The following CCNI variants were observed in gnomAD, a reference collection of about 807,000 sequenced individuals.
The protein encoded by CCNI is cyclin I.
Under a neutral mutation model 34.1 loss-of-function variants are expected in CCNI, and 14 were observed. The observed-to-expected ratio is 0.41, with a 90% CI of 0.27 to 0.64. The LOEUF is 0.64. CCNI is among the 30% of genes least tolerant of loss of function. CCNI has a pLI of 0.31. For missense variants in CCNI, 385 were observed against 440.5 expected (o/e 0.87, Z 1.13); for synonymous variants, 154 against 158.4 (o/e 0.97, Z 0.21).
At chr4:77,059,934 C>T (rs1313790211) in intron 2 of CCNI, among the ~76,000 whole-genome samples, 1 of 152,164 alleles carries the variant, frequency 6.6e-6, no homozygotes, top group African/African-American at 2.4e-5. Context: ...CAGCCAAACA[C>T]ATCAACAAGG....
chr4:77,053,377 A>T (rs1360229273), intron 6 of CCNI, among the ~76,000 whole-genome samples: 1 of 152,206 alleles, frequency 6.6e-6, no homozygotes, highest in African/African-American at 2.4e-5. Context: ...AAAATAAAGG[A>T]GGTGAATGAA....
chr4:77,062,054 T>A (rs1199004244), intron 2 of CCNI, among the ~76,000 whole-genome samples: 2 of 152,198 alleles, frequency 1.3e-5, no homozygotes, highest in African/African-American at 4.8e-5. Context: ...CTGATGATCC[T>A]TCCTTGCCCC....
Position 77,066,318 on chromosome 4 carries a change from C to T in CCNI, c.45G>A (p.Leu15=). The T allele has an allele frequency of 6.2e-7, 1 of 1,613,800 alleles. No individual in the cohort carries two copies. Among genetic ancestry groups the T allele is most frequent in the African/African-American group, 1.3e-5 (1 of 75,044 alleles). Residue 15 remains leucine (L), a synonymous_variant, in exon 2 of 7, where the codon CTG becomes CTA. Transcript: ENST00000237654. ...GPLENQRLSF[L]LEKAITREAQ... ...CTTCCCTAGTGATTGCCTTTTCCAA[C>T]AGGAAAGACAATCTCTGGTTTTCCA...
At position 77,048,180 on chromosome 4, in the gene CCNI, T is replaced by C. The variant is rs751264388; in HGVS notation, c.*39A>G. ...TTGCATGTTCTCATTCCCAAAGTAGTCTACCTTAGTTTACACTCAAAGGTA... is the reference window on the plus strand; with the variant it reads ...TTGCATGTTCTCATTCCCAAAGTAGCCTACCTTAGTTTACACTCAAAGGTA... On this transcript the variant is annotated 3_prime_UTR_variant, in exon 7 of 7. Transcript: ENST00000237654. 1 of 1,507,410 alleles carries C rather than the reference T, an allele frequency of 6.6e-7. No homozygotes were observed. Among genetic ancestry groups the C allele is most frequent in the East Asian group, 2.3e-5 (1 of 44,166 alleles). The allele number at this position is 1,507,410 out of a possible 1,614,324, so 93.4% of individuals were successfully genotyped here. A position where few individuals can be genotyped will look rare whatever the true frequency, so the allele number is the denominator to read the frequency against.
rs1459021365 is a variant in CCNI at position 77,048,577 on chromosome 4, A to G, written c.776T>C (p.Val259Ala). ...TLQSSLPLNS[V>A]YVYRPLKHTL... The stretch of plus-strand genomic sequence containing the variant: ...GTGCTTGAGGGGACGGTAGACATAA[A>G]CGGAATTCAGAGGCAGGGAAGACTG... The change falls in exon 7 of 7, where the codon GTT becomes GCT. Residue 259 changes from valine to alanine, a missense_variant. Around this residue, in one of 2 missense-constraint regions of CCNI, gnomAD observed 250 missense variants for 248.7 expected, o/e 1.01. Coordinates refer to ENST00000237654, the MANE Select transcript of CCNI (RefSeq NM_006835.3). The G allele has an allele frequency of 6.2e-7, 1 of 1,611,398 alleles. No individual in the cohort carries two copies. The highest frequency in any genetic ancestry group is 8.5e-7 in the Non-Finnish European group (1 of 1,178,202).
chr4:77,070,700 C>T (rs1311343376), intron 1 of CCNI, among the ~76,000 whole-genome samples: 4 of 151,992 alleles, frequency 2.6e-5, no homozygotes, highest in Admixed American at 1.3e-4. Flanking sequence ...ACACTAGAAA[C>T]GGAATGTAGG....
At chr4:77,064,583 G>GCACACACACACACA (rs760508507) in intron 2 of CCNI, 4 of 105,682 alleles carry the variant, frequency 3.8e-5, no homozygotes, top group Non-Finnish European at 7.6e-5. Flanking sequence ...ATGCGCGCGC[G>GCACACACACACACA]CGCACACACA....
At chr4:77,066,947 A>G (rs746694749) in intron 1 of CCNI, among the ~76,000 whole-genome samples, 22 of 152,192 alleles carry the variant, frequency 1.4e-4, no homozygotes, top group Non-Finnish European at 2.9e-4. Context: ...TAAAATTTAA[A>G]AATTGGCCAG....
At position 77,075,658 on chromosome 4, in the gene CCNI, C is replaced by T. The variant is rs1358633399; in HGVS notation, c.-230G>A. 2 of 744,144 alleles carry T rather than the reference C, an allele frequency of 2.7e-6. No homozygotes were observed. The highest frequency in any genetic ancestry group is 3.3e-6 in the Non-Finnish European group (2 of 609,164). 46.1% of individuals were successfully genotyped at this position (744,144 alleles called of 1,614,324 possible). On this transcript the variant is annotated 5_prime_UTR_variant, in exon 1 of 7. Transcript: ENST00000237654. ...GCGGATCGGGGGGCGCGGGCGCGGG[C>T]GCTGGCGCTCGAGCGGGACGCACGG...
intron 2 of CCNI, chr4:77,065,191 T>C (rs530131680): frequency 6.6e-6 from 1 of 152,324 alleles, no homozygotes; most frequent in African/African-American, 2.4e-5. Context: ...AAAATTAGAA[T>C]TGAATTAAAA....
At chr4:77,066,963 G>A (rs776422276) in intron 1 of CCNI, among the ~76,000 whole-genome samples, 3 of 152,170 alleles carry the variant, frequency 2.0e-5, no homozygotes, top group Non-Finnish European at 4.4e-5. Context: ...GCCAGGCATG[G>A]TGGCTCACGC....
chr4:77,061,891 G>C (rs183517651), intron 2 of CCNI, among the ~76,000 whole-genome samples: 1 of 151,962 alleles, frequency 6.6e-6, no homozygotes, highest in Non-Finnish European at 1.5e-5. Context: ...GGATAGTCTC[G>C]ATCTCCTGAC....
chr4:77,058,128 G>A (rs1204033094), intron 3 of CCNI, among the ~76,000 whole-genome samples: 1 of 152,194 alleles, frequency 6.6e-6, no homozygotes, highest in Non-Finnish European at 1.5e-5. Flanking sequence ...GCCAAGGCAG[G>A]CTGATGACTT....
chr4:77,056,486 G>A (rs1234073892), intron 3 of CCNI, 163 bp from the exon 4 acceptor site: 14 of 595,318 alleles, frequency 2.4e-5, no homozygotes, highest in Non-Finnish European at 3.7e-5. Context: ...TTAGATCAGA[G>A]CTAACTTTAA....
At chr4:77,070,541 A>G (rs1729383748) in intron 1 of CCNI, among the ~76,000 whole-genome samples, 1 of 151,970 alleles carries the variant, frequency 6.6e-6, no homozygotes, top group South Asian at 2.1e-4. Context: ...TAAAAAAGAA[A>G]AAAGGTCATC....
chr4:77,075,421 A>T (rs1729844330), intron 1 of CCNI, 51 bp downstream of exon 1: 2 of 802,696 alleles, frequency 2.5e-6, no homozygotes, highest in Admixed American at 6.3e-5. Flanking sequence ...CAGCGCGTCG[A>T]CGCCGGCCGC....
chr4:77,053,227 C>G (rs1337265548), intron 6 of CCNI, among the ~76,000 whole-genome samples: 2 of 152,056 alleles, frequency 1.3e-5, no homozygotes, highest in Non-Finnish European at 2.9e-5. Flanking sequence ...GGTTCCACTT[C>G]TAAAACAAAT....
chr4:77,067,637 C>A (rs931917254), intron 1 of CCNI, among the ~76,000 whole-genome samples: 2 of 150,898 alleles, frequency 1.3e-5, no homozygotes, highest in Admixed American at 1.3e-4. Context: ...ACTACAGATG[C>A]ACATCACCAA....
chr4:77,049,989 A>C (rs1004069035), intron 6 of CCNI, among the ~76,000 whole-genome samples: 3 of 152,174 alleles, frequency 2.0e-5, no homozygotes, highest in Admixed American at 6.5e-5. Context: ...TACCAGAAAT[A>C]AGCTAAACTG....
Sources: gnomAD v4.1 joint callset for allele counts (sites outside exome capture counted in the v4.1 genomes callset) on GRCh38, gnomAD v4.1.1 for gene constraint, gnomAD v4.1.1 regional missense constraint, MANE v1.5 for transcripts, NCBI Gene and HGNC (gene_info 2026-07-23, HGNC 2026-07-21) for gene names.